PTPN6: variants seen among roughly 807,000 people sequenced by gnomAD.
PTPN6 encodes the protein protein tyrosine phosphatase non-receptor type 6.
In PTPN6, 18 loss-of-function variants were observed where a neutral mutation model predicts 81.5. The ratio of observed to expected loss-of-function variants is 0.22; its 90% confidence interval spans 0.15 to 0.33. The LOEUF is 0.33. Ranked by LOEUF, PTPN6 falls within the 10% of genes least tolerant of loss-of-function variation. The pLI is 1.00. For synonymous variants in PTPN6, 301 were observed against 310.9 expected, an observed-to-expected ratio of 0.97 and a Z score of 0.33; for missense variants, 500 against 794.2, an observed-to-expected ratio of 0.63 and a Z score of 4.45.
At position 6,957,483 on chromosome 12, in the gene PTPN6, T is replaced by C. The variant is rs377374678; in HGVS notation, c.1075-171T>C. On this transcript the variant is annotated intron_variant, in intron 9 of 15. Transcript: ENST00000318974. This position sits in a 1 kb window ranked among gnomAD's most constrained non-coding sequence, Gnocchi z 6.5. Reference sequence around the variant, plus strand: ...GTGGCTGGCCAGGCCTCACCACCTGTTGGTGGTTGATCTGAGACGAGAGCC... The same window carrying C: ...GTGGCTGGCCAGGCCTCACCACCTGCTGGTGGTTGATCTGAGACGAGAGCC... 1.8e-3 allele frequency among the ~76,000 whole-genome samples: 280 copies of C among 152,204 alleles called. 2 individuals carry two copies. In the South Asian group the frequency reaches 0.035, roughly 19 times the overall value.
chr12:6,955,775 C>A lies in PTPN6; in HGVS notation c.844+19C>A, dbSNP rs1555148552. The A allele has an allele frequency of 6.2e-7, 1 of 1,609,260 alleles. No individual in the cohort carries two copies. The highest frequency in any genetic ancestry group is 1.1e-5 in the South Asian group (1 of 90,962). ...CTCCCCTGTGAGCACCCAGGCTGCC[C>A]CATTCACCCAGGATACCGCCCCTGC... On this transcript the variant is annotated intron_variant, in intron 7 of 15. Transcript: ENST00000318974. This position sits in a 1 kb window ranked among gnomAD's most constrained non-coding sequence, Gnocchi z 7.2.
At chr12:6,951,276 A>G (rs965969796), upstream of PTPN6, 1 of 1,448,096 alleles carries the variant, frequency 6.9e-7, no homozygotes, top group Non-Finnish European at 9.1e-7. This position sits in a 1 kb window ranked among gnomAD's most constrained non-coding sequence, Gnocchi z 7.2. Context: ...GCTGTGCTCT[A>G]AAACGAGAAG....
chr12:6,957,634 A>ACCCCC lies in PTPN6; in HGVS notation c.1075-17_1075-16insCCCCC. 1 of 914,102 alleles carries ACCCCC rather than the reference A, an allele frequency of 1.1e-6. No individual in the cohort carries two copies. The highest frequency in any genetic ancestry group is 1.7e-6 in the Non-Finnish European group (1 of 600,382). The allele number at this position is 914,102 out of a possible 1,614,324, so 56.6% of individuals were successfully genotyped here. A position where few individuals can be genotyped will look rare whatever the true frequency, so the allele number is the denominator to read the frequency against. On this transcript the variant is annotated intron_variant, in intron 9 of 15. Transcript: ENST00000318974. The surrounding 1 kb of genome is among the most constrained non-coding windows in gnomAD (Gnocchi z 6.5). ...GTGCCCTGCTCTGTGCCTCATCCCC[A>ACCCCC]CCCGACCCTCCCTTTCCAGAACAAA...
chr12:6,955,274 G>A lies in PTPN6; in HGVS notation c.633+7G>A. 6.2e-7 allele frequency: 1 copy of A among 1,613,736 alleles called. No individual in the cohort carries two copies. Among genetic ancestry groups the A allele is most frequent in the South Asian group, 1.1e-5 (1 of 91,076 alleles). The stretch of plus-strand genomic sequence containing the variant: ...CTTTGTCTACCTGCGGCAGGTCAGG[G>A]GTGGGCCCAGCTGCCTCCCCACTTC... On this transcript the variant is annotated splice_region_variant and intron_variant, in intron 5 of 15. Transcript: ENST00000318974. This position sits in a 1 kb window ranked among gnomAD's most constrained non-coding sequence, Gnocchi z 7.2.
rs1555148788 is a variant in PTPN6 at position 6,956,625 on chromosome 12, T to G, written c.1074+57T>G. ...CCGTGCTTGTGGTCATGCCATTAAG[T>G]CGAAGAGCAGTCAGATGCCAGGGCA... On this transcript the variant is annotated intron_variant, in intron 9 of 15. Coordinates refer to ENST00000318974, the MANE Select transcript of PTPN6 (RefSeq NM_002831.6). The surrounding 1 kb of genome is among the most constrained non-coding windows in gnomAD (Gnocchi z 4.1). 1 of 1,607,140 alleles carries G rather than the reference T, an allele frequency of 6.2e-7. No individual in the cohort carries two copies. The highest frequency in any genetic ancestry group is 8.5e-7 in the Non-Finnish European group (1 of 1,176,832).
In PTPN6 at chr12:6,957,877, T is replaced by G; in HGVS notation, c.1207-42T>G. 1 of 1,613,948 alleles carries G rather than the reference T, an allele frequency of 6.2e-7. No homozygotes were observed. Among genetic ancestry groups the G allele is most frequent in the South Asian group, 1.1e-5 (1 of 91,084 alleles). The stretch of plus-strand genomic sequence containing the variant: ...GGGTAGGGTGAGATGGATGAGGTGT[T>G]CCGAGAGAGGAGGGGGCACTGACCC... On this transcript the variant is annotated intron_variant, in intron 10 of 15. Transcript: ENST00000318974. The surrounding 1 kb of genome is among the most constrained non-coding windows in gnomAD (Gnocchi z 6.5).
rs1555149419 is a variant in PTPN6 at position 6,960,002 on chromosome 12, G to T, written c.1429+8G>T. The T allele has an allele frequency of 6.2e-7, 1 of 1,603,142 alleles. No homozygotes were observed. Among genetic ancestry groups the T allele is most frequent in the Non-Finnish European group, 8.5e-7 (1 of 1,173,040 alleles). On this transcript the variant is annotated splice_region_variant and intron_variant, in intron 12 of 15. Coordinates refer to ENST00000318974, the MANE Select transcript of PTPN6 (RefSeq NM_002831.6). This position sits in a 1 kb window ranked among gnomAD's most constrained non-coding sequence, Gnocchi z 6.1. ...AGAACATCTCCACCAAGGGTGAGGG[G>T]CACCTGGGGGTTTGGGGGTGGGGGG...
Position 6,955,801 on chromosome 12 carries a change from C to T in PTPN6, c.844+45C>T. 9 of 1,555,872 alleles carry T rather than the reference C, an allele frequency of 5.8e-6. No homozygotes were observed. Among genetic ancestry groups the T allele is most frequent in the Non-Finnish European group, 8.0e-6 (9 of 1,127,706 alleles). ...CATTCACCCAGGATACCGCCCCTGC[C>T]CCAGCTGCCTCCCCTCATCTCACAG... On this transcript the variant is annotated intron_variant, in intron 7 of 15. Transcript: ENST00000318974. The surrounding 1 kb of genome is among the most constrained non-coding windows in gnomAD (Gnocchi z 7.2).
rs1306334209 is a variant in PTPN6, at chr12:6,959,744, C to T, written c.1362-183C>T. 23 of 665,756 alleles carry T rather than the reference C, an allele frequency of 3.5e-5. No individual in the cohort carries two copies. In the East Asian group the frequency reaches 5.1e-4, roughly 15 times the overall value. 41.2% of individuals were successfully genotyped at this position (665,756 alleles called of 1,614,324 possible). On this transcript the variant is annotated intron_variant, in intron 11 of 15. Transcript: ENST00000318974. The surrounding 1 kb of genome is among the most constrained non-coding windows in gnomAD (Gnocchi z 6.6). The stretch of plus-strand genomic sequence containing the variant: ...CAGCACCGCAGAGCCCGAGGTGGAG[C>T]GTGTCCATGCAGAGCTGGGCAAACC...
At chr12:6,950,015 C>CAAGTGA (rs370519443), upstream of PTPN6, among the ~76,000 whole-genome samples, 1 of 77,716 alleles carries the variant, frequency 1.3e-5, no homozygotes, top group Non-Finnish European at 2.4e-5. Context: ...CTCCTGACCT[C>CAAGTGA]GTGATCCGCC....
At chr12:6,950,949 C>T (rs145959602), upstream of PTPN6, among the ~76,000 whole-genome samples, 557 of 152,298 alleles carry the variant, frequency 3.7e-3, 3 homozygotes, top group African/African-American at 0.012. Flanking sequence ...GGCATGTGAA[C>T]GCCATTATAG....
Position 6,954,934 on chromosome 12 carries a change from CCAGCCCAAGGCTGG to C in PTPN6, c.458_471del (p.Gln153ProfsTer43). On this transcript the variant is annotated frameshift_variant, in exon 4 of 16. Coordinates refer to ENST00000318974, the MANE Select transcript of PTPN6 (RefSeq NM_002831.6). LOFTEE classifies it high-confidence loss of function. The surrounding 1 kb of genome is among the most constrained non-coding windows in gnomAD (Gnocchi z 5.4). ...ACTTCGTGCTTTCTGTGCTCAGTGA[CCAGCCCAAGGCTGG>C]CCCAGGCTCCCCGCTCAGGGTCACC... 1 of 1,614,208 alleles carries C rather than the reference CCAGCCCAAGGCTGG, an allele frequency of 6.2e-7. No individual in the cohort carries two copies. The highest frequency in any genetic ancestry group is 8.5e-7 in the Non-Finnish European group (1 of 1,180,040).
rs1946030562 is a variant in PTPN6 at position 6,956,345 on chromosome 12, G to T, written c.925-74G>T. On this transcript the variant is annotated intron_variant, in intron 8 of 15. Transcript: ENST00000318974. This position sits in a 1 kb window ranked among gnomAD's most constrained non-coding sequence, Gnocchi z 4.1. The stretch of plus-strand genomic sequence containing the variant: ...GCTGGCTTCTTGCATGGGTGAGGGT[G>T]GCAGTGGTTCAGGGCCTGTGCTGGG... 6.2e-7 allele frequency: 1 copy of T among 1,612,132 alleles called. No homozygotes were observed.
rs782721152 is a variant in PTPN6 at position 6,956,582 on chromosome 12, C to G, written c.1074+14C>G. 1.1e-4 allele frequency: 185 copies of G among 1,611,060 alleles called. 1 individual carries two copies. Among genetic ancestry groups the G allele is most frequent in the Middle Eastern group, 3.4e-4 (2 of 5,924 alleles). On this transcript the variant is annotated intron_variant, in intron 9 of 15. Coordinates refer to ENST00000318974, the MANE Select transcript of PTPN6 (RefSeq NM_002831.6). This position sits in a 1 kb window ranked among gnomAD's most constrained non-coding sequence, Gnocchi z 4.1. ...GAGAAAGGCCGGGTAGGGCGCCCCCCCTTCCCCGCATCCGCCCCCGTGCTT... is the reference window on the plus strand; with the variant it reads ...GAGAAAGGCCGGGTAGGGCGCCCCCGCTTCCCCGCATCCGCCCCCGTGCTT...
Position 6,957,739 on chromosome 12 carries a change from C to T in PTPN6, c.1160C>T (p.Thr387Ile). Residue 387 changes from threonine to isoleucine, a missense_variant, in exon 10 of 16, where the codon ACA becomes ATA. Thr to Ile is a moderately conservative substitution (Grantham distance 89, BLOSUM62 -1). Coordinates refer to ENST00000318974, the MANE Select transcript of PTPN6 (RefSeq NM_002831.6). The surrounding 1 kb of genome is among the most constrained non-coding windows in gnomAD (Gnocchi z 6.5). ...GTGACCAACTGCGGGGAGCATGACA[C>T]AACCGAATACAAACTCCGTACCTTA... The part of the protein sequence containing the change: ...YSVTNCGEHD[T>I]TEYKLRTLQV... 1.2e-6 allele frequency: 2 copies of T among 1,614,160 alleles called. No homozygotes were observed. Among genetic ancestry groups the T allele is most frequent in the Non-Finnish European group, 1.7e-6 (2 of 1,180,018 alleles).
rs782680419 is a variant in PTPN6 at position 6,951,572 on chromosome 12, C to T, written c.9-37C>T. 22 of 1,613,774 alleles carry T rather than the reference C, an allele frequency of 1.4e-5. No homozygotes were observed. The highest frequency in any genetic ancestry group is 3.3e-5 in the South Asian group (3 of 91,058). On this transcript the variant is annotated intron_variant, in intron 1 of 15. Coordinates refer to ENST00000318974, the MANE Select transcript of PTPN6 (RefSeq NM_002831.6). This position sits in a 1 kb window ranked among gnomAD's most constrained non-coding sequence, Gnocchi z 7.2. Reference sequence around the variant, plus strand: ...AGGAGGCAAGGGTGCCTGGTGCCCACGGGACCCCTCCTCACTGCCCTGCCT... The same window carrying T: ...AGGAGGCAAGGGTGCCTGGTGCCCATGGGACCCCTCCTCACTGCCCTGCCT...
intron 11 of PTPN6, among the ~76,000 whole-genome samples, chr12:6,958,662 C>T (rs781823127): frequency 6.6e-6 from 1 of 152,336 alleles, no homozygotes; most frequent in South Asian, 2.1e-4. Flanking sequence ...TATCTACCCG[C>T]ATGTTTGTGA....
At position 6,959,917 on chromosome 12, in the gene PTPN6, C is replaced by G. The variant is rs782295452; in HGVS notation, c.1362-10C>G. On this transcript the variant is annotated splice_polypyrimidine_tract_variant and intron_variant, in intron 11 of 15. Transcript: ENST00000318974. This position sits in a 1 kb window ranked among gnomAD's most constrained non-coding sequence, Gnocchi z 6.6. ...GACTGGCCTCTGATGGCACCCCCGTCTTTCCCCAGCGCCGGCATCGGCCGC... is the reference window on the plus strand; with the variant it reads ...GACTGGCCTCTGATGGCACCCCCGTGTTTCCCCAGCGCCGGCATCGGCCGC... 6.2e-7 allele frequency: 1 copy of G among 1,610,322 alleles called. No individual in the cohort carries two copies. The highest frequency in any genetic ancestry group is 2.2e-4 in the Middle Eastern group (1 of 4,456).
At chr12:6,946,713 T>G (rs1200949068), upstream of PTPN6, 15 of 1,611,426 alleles carry the variant, frequency 9.3e-6, no homozygotes, top group African/African-American at 1.3e-5. Flanking sequence ...GGCTTCCCCC[T>G]CCCTACAGAG....
Sources: allele counts gnomAD v4.1 joint callset (sites outside exome capture counted in the v4.1 genomes callset), GRCh38; gene constraint gnomAD v4.1.1; non-coding constraint Gnocchi (gnomAD v3.1); transcripts MANE v1.5; gene names NCBI Gene and HGNC (gene_info 2026-07-23, HGNC 2026-07-21).